TRPM3: variants seen among roughly 807,000 people sequenced by gnomAD.
TRPM3 encodes transient receptor potential cation channel subfamily M member 3.
A neutral mutation model predicts 181.2 loss-of-function variants in TRPM3; 77 were observed. That is an observed-to-expected ratio of 0.42 (90% CI 0.35 to 0.51). The LOEUF (loss-of-function observed/expected upper bound fraction) is 0.51, where lower values mean the gene tolerates loss of function less well. TRPM3 is among the 20% of genes least tolerant of loss of function. The probability of loss-of-function intolerance (pLI) is 0.01; values close to 1 mark genes in which losing one functional copy is unlikely to be tolerated. For missense variants in TRPM3, 1,759 were observed against 2,196.7 expected, an observed-to-expected ratio of 0.80 and a Z score of 3.98; for synonymous variants, 745 against 796.4, an observed-to-expected ratio of 0.94 and a Z score of 1.09.
rs187860899 is a variant in TRPM3 at position 71,308,168 on chromosome 9, C to T, written c.183+138485G>A. On this transcript the variant is annotated intron_variant, in intron 1 of 24. Transcript: ENST00000357533. ...TATTTTTGGTGGTGAGCCACCACAC[C>T]TGGCAATGTTTTACTCAAGTTTCAA... 4.5e-3 allele frequency among the ~76,000 whole-genome samples: 687 copies of T among 152,068 alleles called. 9 individuals carry two copies. The highest frequency in any genetic ancestry group is 0.016 in the African/African-American group (655 of 41,518).
chr9:71,250,283 A>C (rs1366751055), intron 1 of TRPM3, among the ~76,000 whole-genome samples: 2 of 152,142 alleles, frequency 1.3e-5, no homozygotes, highest in African/African-American at 4.8e-5. Context: ...GGCAGCCTAA[A>C]GTTGGGATCG....
At chr9:71,343,006 A>G (rs1422954351) in intron 1 of TRPM3, among the ~76,000 whole-genome samples, 2 of 152,114 alleles carry the variant, frequency 1.3e-5, no homozygotes, top group East Asian at 3.8e-4. Context: ...GAAAGGTAAA[A>G]TAAAAAAATA....
At chr9:71,415,015 T>C (rs1407231628) in intron 1 of TRPM3, among the ~76,000 whole-genome samples, 1 of 152,058 alleles carries the variant, frequency 6.6e-6, no homozygotes, top group South Asian at 2.1e-4. Context: ...GTTAAGGATC[T>C]TGAGATGGGA....
chr9:70,638,337 T>C (rs2057543484), intron 11 of TRPM3, among the ~76,000 whole-genome samples: 1 of 152,206 alleles, frequency 6.6e-6, no homozygotes, highest in Admixed American at 6.5e-5. Context: ...AGGCATCTTA[T>C]TATCATAGTA....
chr9:71,171,933 C>A (rs1251389573), intron 1 of TRPM3, among the ~76,000 whole-genome samples: 1 of 152,072 alleles, frequency 6.6e-6, no homozygotes, highest in Non-Finnish European at 1.5e-5. Context: ...GGGTCTCACT[C>A]TGTCACACAG....
At chr9:70,603,989 T>A (rs998654804) in intron 19 of TRPM3, among the ~76,000 whole-genome samples, 2 of 152,230 alleles carry the variant, frequency 1.3e-5, no homozygotes, top group African/African-American at 4.8e-5. Context: ...CGCTTGTCAG[T>A]GCCCTGGGAG....
At chr9:71,275,169 G>A (rs2084098183) in intron 1 of TRPM3, among the ~76,000 whole-genome samples, 1 of 152,262 alleles carries the variant, frequency 6.6e-6, no homozygotes, top group East Asian at 1.9e-4. Context: ...ATCTTCCAAC[G>A]AATTATGACT....
intron 1 of TRPM3, among the ~76,000 whole-genome samples, chr9:71,004,510 G>A (rs929015266): frequency 6.6e-6 from 1 of 152,200 alleles, no homozygotes; most frequent in East Asian, 1.9e-4. Context: ...GCAAAAGCTG[G>A]AACAGGCAAA....
At chr9:70,611,048 A>T (rs2061925014) in intron 18 of TRPM3, among the ~76,000 whole-genome samples, 1 of 152,214 alleles carries the variant, frequency 6.6e-6, no homozygotes, top group African/African-American at 2.4e-5. Flanking sequence ...AGGAAGAAAC[A>T]GTGTAGCCTG....
chr9:71,297,116 C>T (rs1282977035), intron 1 of TRPM3, among the ~76,000 whole-genome samples: 10 of 151,586 alleles, frequency 6.6e-5, no homozygotes, highest in South Asian at 2.1e-4. Context: ...CTCAGCCTCC[C>T]GAGTAGCTGG....
chr9:71,003,407 T>C (rs76700817), intron 1 of TRPM3, among the ~76,000 whole-genome samples: 1 of 28,798 alleles, frequency 3.5e-5, no homozygotes, highest in African/African-American at 6.5e-5. Context: ...TGCATATGGT[T>C]TTTTTTTTTT....
rs1187253015 is a variant in TRPM3 at position 70,531,703 on chromosome 9, G to C, written c.*4250C>G. 6.6e-6 allele frequency: 1 copy of C among 152,152 alleles called. No individual in the cohort carries two copies. Among genetic ancestry groups the C allele is most frequent in the Non-Finnish European group, 1.5e-5 (1 of 68,028 alleles). The allele number at this position is 152,152 out of a possible 1,614,324, so 9.4% of individuals were successfully genotyped here. ...TGCATGGGGTTGGCAGATGTAAACA[G>C]CTAATTCAACTGGAGTTTAAAATAT... On this transcript the variant is annotated 3_prime_UTR_variant, in exon 26 of 26. Transcript: ENST00000677713.
At chr9:70,765,591 C>CA (rs1473414624) in intron 7 of TRPM3, among the ~76,000 whole-genome samples, 1 of 151,252 alleles carries the variant, frequency 6.6e-6, no homozygotes, top group Admixed American at 6.6e-5. Context: ...GACTCCATCT[C>CA]AAAAAACAAA....
chr9:70,763,800 G>A (rs2078599219), intron 7 of TRPM3, among the ~76,000 whole-genome samples: 1 of 152,158 alleles, frequency 6.6e-6, no homozygotes, highest in Non-Finnish European at 1.5e-5. Flanking sequence ...ATGATTGTCA[G>A]TGGAAAAGAA....
intron 1 of TRPM3, chr9:70,917,565 T>TTTTTTGTTTTTTTTTTTTTTTTTGAGACG (rs1554769109): frequency 1.7e-6 from 1 of 595,576 alleles, no homozygotes; most frequent in African/African-American, 1.9e-5. Context: ...AGTGTTAAGT[T>TTTTTTGTTTTTTTTTTTTTTTTTGAGACG]GTTATATCAA....
chr9:70,955,885 T>C (rs2097063685), intron 1 of TRPM3, among the ~76,000 whole-genome samples: 1 of 152,206 alleles, frequency 6.6e-6, no homozygotes, highest in Non-Finnish European at 1.5e-5. Flanking sequence ...GGGGCAGCGC[T>C]ATTATTGTTA....
chr9:71,010,854 T>C (rs989388820), intron 1 of TRPM3, among the ~76,000 whole-genome samples: 1 of 151,904 alleles, frequency 6.6e-6, no homozygotes, highest in Non-Finnish European at 1.5e-5. Flanking sequence ...CTATTTGCAA[T>C]AGCCAAGATA....
At chr9:70,573,664 T>C (rs1325254656) in intron 22 of TRPM3, among the ~76,000 whole-genome samples, 1 of 151,558 alleles carries the variant, frequency 6.6e-6, no homozygotes, top group African/African-American at 2.4e-5. Context: ...AGGTAAAGTT[T>C]CCCAAAAAAA....
intron 1 of TRPM3, among the ~76,000 whole-genome samples, chr9:71,196,124 A>G (rs2078335635): frequency 6.6e-6 from 1 of 151,344 alleles, no homozygotes. Context: ...CCAAAAGTTA[A>G]TATTTTATGT....
Sources: gnomAD v4.1 joint callset for allele counts (sites outside exome capture counted in the v4.1 genomes callset) on GRCh38, gnomAD v4.1.1 for gene constraint, MANE v1.5 for transcripts, NCBI Gene and HGNC (gene_info 2026-07-23, HGNC 2026-07-21) for gene names.